UBE2F: variants seen among roughly 807,000 people sequenced by gnomAD.
The protein encoded by UBE2F is ubiquitin conjugating enzyme E2 F (putative).
UBE2F carries 5 observed loss-of-function variants against 29.6 expected under a neutral mutation model. That is an observed-to-expected ratio of 0.17 (90% CI 0.09 to 0.36). The LOEUF is 0.36. Ranked by LOEUF, UBE2F falls within the 10% of genes least tolerant of loss-of-function variation. The probability of loss-of-function intolerance (pLI) is 1.00; values close to 1 mark genes in which losing one functional copy is unlikely to be tolerated. For missense variants in UBE2F, 141 were observed against 228.5 expected, an observed-to-expected ratio of 0.62 and a Z score of 2.47; for synonymous variants, 66 against 81.8, an observed-to-expected ratio of 0.81 and a Z score of 1.04.
chr2:237,973,980 A>C (rs1023609396), intron 2 of UBE2F, among the ~76,000 whole-genome samples: 2 of 152,174 alleles, frequency 1.3e-5, no homozygotes, highest in Non-Finnish European at 2.9e-5. Flanking sequence ...ATTTATAATA[A>C]AGTTAACTTT....
Position 237,967,150 on chromosome 2 carries a change from G to T in UBE2F, c.-17+18G>T, listed in dbSNP as rs1485313875. ...GAGCCCAGGTGAGGAGCGACCGTGC[G>T]GCTCTGCGGCGGGGCGAGGTGCGGC... is the stretch of plus-strand genomic sequence containing the variant. On this transcript the variant is annotated intron_variant, in intron 1 of 9. Coordinates refer to ENST00000272930, the MANE Select transcript of UBE2F (RefSeq NM_080678.3). The surrounding 1 kb of genome is among the most constrained non-coding windows in gnomAD (Gnocchi z 6.3). 12 of 1,216,584 alleles carry T rather than the reference G, an allele frequency of 9.9e-6. No individual in the cohort carries two copies. In the East Asian group the frequency reaches 4.2e-4, roughly 43 times the overall value. 75.4% of individuals were successfully genotyped at this position (1,216,584 alleles called of 1,614,324 possible).
rs2064027234 is a variant in UBE2F at position 238,011,461 on chromosome 2, C to G, written c.215-5105C>G. ...TATATAATTTATGTATTTTCTCTCC[C>G]TTCCACTAGAATATACGCTTCATAA... is the stretch of plus-strand genomic sequence containing the variant. On this transcript the variant is annotated intron_variant, in intron 4 of 9. Transcript: ENST00000272930. Among the ~76,000 whole-genome samples, 3 of 152,320 alleles carry G rather than the reference C, an allele frequency of 2.0e-5. No homozygotes were observed. In the South Asian group the frequency reaches 6.2e-4, roughly 32 times the overall value.
At chr2:237,968,528 C>G (rs62194507) in intron 1 of UBE2F, among the ~76,000 whole-genome samples, 44,815 of 152,050 alleles carry the variant, frequency 0.29, 8,220 homozygotes, top group Admixed American at 0.41. Flanking sequence ...TGAGACGTCT[C>G]CATTCGGAAG....
chr2:237,999,847 C>T (rs977232292), intron 4 of UBE2F, among the ~76,000 whole-genome samples: 7 of 129,796 alleles, frequency 5.4e-5, no homozygotes, highest in East Asian at 2.2e-4. Flanking sequence ...TTTTTTGAGA[C>T]GGAGTCTCAC....
At chr2:238,004,504 C>T (rs957298584) in intron 4 of UBE2F, among the ~76,000 whole-genome samples, 6 of 151,812 alleles carry the variant, frequency 4.0e-5, no homozygotes, top group Non-Finnish European at 8.8e-5. Flanking sequence ...GTCTATGGCT[C>T]GTCTTTATTT....
intron 4 of UBE2F, among the ~76,000 whole-genome samples, chr2:238,006,753 T>C (rs1156491651): frequency 1.3e-5 from 1 of 76,220 alleles, no homozygotes; most frequent in East Asian, 5.0e-4. Context: ...TCCTTTTTTC[T>C]TTTTTCTTTT....
rs57180067 is a variant in UBE2F at position 237,991,609 on chromosome 2, C to CTTTCTTTTTTTTTTCTTT, written c.149-3132_149-3131insCTTTTTTTTTTCTTTTTT. 3.8e-5 allele frequency among the ~76,000 whole-genome samples: 2 copies of CTTTCTTTTTTTTTTCTTT among 53,052 alleles called. 1 individual carries two copies. The highest frequency in any genetic ancestry group is 1.4e-4 in the African/African-American group (2 of 14,370). The allele number at this position is 53,052 out of a possible 152,430, so 34.8% of individuals were successfully genotyped here. ...AACCTTTCTTTTCTTTTCTTTCTTT[C>CTTTCTTTTTTTTTTCTTT]TTTTTTTTTTTTTGAGACAGTCTTG... On this transcript the variant is annotated intron_variant, in intron 3 of 9. Transcript: ENST00000272930.
Position 238,040,281 on chromosome 2 carries a change from G to A in UBE2F, c.508-1007G>A, listed in dbSNP as rs113849519. 0.023 allele frequency among the ~76,000 whole-genome samples: 3,501 copies of A among 152,326 alleles called. 141 individuals carry two copies. Among genetic ancestry groups the A allele is most frequent in the African/African-American group, 0.08 (3,337 of 41,566 alleles). On this transcript the variant is annotated intron_variant, in intron 9 of 9. Coordinates refer to ENST00000272930, the MANE Select transcript of UBE2F (RefSeq NM_080678.3). This position sits in a 1 kb window ranked among gnomAD's most constrained non-coding sequence, Gnocchi z 4.4. ...GGATCTCCCTGCAAGAGGGCATCGC[G>A]GCAGCAGCGAGGTATACATCGAGTG...
chr2:237,979,934 C>T (rs1450641110), intron 2 of UBE2F, among the ~76,000 whole-genome samples: 1 of 152,186 alleles, frequency 6.6e-6, no homozygotes, highest in Non-Finnish European at 1.5e-5. Context: ...TGTGGGCCTG[C>T]ACTCTGTAGT....
intron 4 of UBE2F, among the ~76,000 whole-genome samples, chr2:238,007,346 T>C (rs1185869379): frequency 1.3e-5 from 2 of 151,954 alleles, no homozygotes; most frequent in South Asian, 4.1e-4. Context: ...GGTCTCGAAC[T>C]CCTGACCTCA....
intron 6 of UBE2F, among the ~76,000 whole-genome samples, chr2:238,029,318 G>A (rs1323672488): frequency 1.3e-5 from 2 of 152,008 alleles, no homozygotes; most frequent in African/African-American, 2.4e-5. Flanking sequence ...GCTGGGCGTG[G>A]TGGCTCACGC....
intron 4 of UBE2F, among the ~76,000 whole-genome samples, chr2:238,001,411 A>T (rs374332348): frequency 6.6e-6 from 1 of 151,738 alleles, no homozygotes; most frequent in Non-Finnish European, 1.5e-5. Flanking sequence ...GTTTTTTTTT[A>T]AAGGGTTTTT....
chr2:238,040,817 C>T lies in UBE2F; in HGVS notation c.508-471C>T, dbSNP rs1292162296. Among the ~76,000 whole-genome samples the T allele has an allele frequency of 6.6e-6, 1 of 151,990 alleles. No individual in the cohort carries two copies. The highest frequency in any genetic ancestry group is 1.5e-5 in the Non-Finnish European group (1 of 67,986). On this transcript the variant is annotated intron_variant, in intron 9 of 9. Coordinates refer to ENST00000272930, the MANE Select transcript of UBE2F (RefSeq NM_080678.3). The surrounding 1 kb of genome is among the most constrained non-coding windows in gnomAD (Gnocchi z 4.4). ...TCATCCTGCCCAGAAGAGATGGGGG[C>T]CTGTACATGGGCTGTGAAGAGCAGG... is the stretch of plus-strand genomic sequence containing the variant.
Position 238,040,226 on chromosome 2 carries a change from G to C in UBE2F, c.508-1062G>C, listed in dbSNP as rs116787239. On this transcript the variant is annotated intron_variant, in intron 9 of 9. Coordinates refer to ENST00000272930, the MANE Select transcript of UBE2F (RefSeq NM_080678.3). The surrounding 1 kb of genome is among the most constrained non-coding windows in gnomAD (Gnocchi z 4.4). ...TGTGGCAGGAGGGCAGGCACCTGGT[G>C]CCCAGCTGGCCAGGACCATGCTCCA... Among the ~76,000 whole-genome samples, 2,380 of 152,356 alleles carry C rather than the reference G, an allele frequency of 0.016. 30 individuals are homozygous for C. The highest frequency in any genetic ancestry group is 0.022 in the Non-Finnish European group (1,485 of 68,032).
At chr2:237,974,392 G>A (rs1334438427) in intron 2 of UBE2F, among the ~76,000 whole-genome samples, 2 of 151,528 alleles carry the variant, frequency 1.3e-5, no homozygotes, top group African/African-American at 2.4e-5. Context: ...GTTTCTCCAT[G>A]TTGATCAGGC....
intron 7 of UBE2F, 104 bp from the exon 8 acceptor site, chr2:238,032,118 A>G (rs1405189229): frequency 1.2e-6 from 1 of 834,954 alleles, no homozygotes; most frequent in Non-Finnish European, 2.0e-6. Flanking sequence ...ACCATGCTAA[A>G]GACAGGTTTT....
intron 2 of UBE2F, among the ~76,000 whole-genome samples, chr2:237,974,752 T>C (rs1460561376): frequency 3.9e-5 from 6 of 152,158 alleles, no homozygotes; most frequent in East Asian, 1.9e-4. Flanking sequence ...TGACCTCAGG[T>C]GATCCGCCCG....
In UBE2F at chr2:237,967,199, G is replaced by A. The variant is rs1415183355; in HGVS notation, c.-17+67G>A. The A allele has an allele frequency of 9.6e-7, 1 of 1,038,142 alleles. No homozygotes were observed. The allele number at this position is 1,038,142 out of a possible 1,614,324, so 64.3% of individuals were successfully genotyped here. The stretch of plus-strand genomic sequence containing the variant: ...GCCGCCGGTGCACGGGCTGGCCTGC[G>A]GGCCGGGCGGAGGGCGCGGGCGGTG... On this transcript the variant is annotated intron_variant, in intron 1 of 9. Transcript: ENST00000272930. The surrounding 1 kb of genome is among the most constrained non-coding windows in gnomAD (Gnocchi z 6.3).
At chr2:237,987,917 G>A (rs2063513883) in intron 2 of UBE2F, 46 bp from the exon 3 acceptor site, 2 of 1,037,740 alleles carry the variant, frequency 1.9e-6, no homozygotes, top group Non-Finnish European at 2.8e-6. Context: ...GTGATTTTAT[G>A]TGGAGTAATT....
Sources: allele counts gnomAD v4.1 joint callset (sites outside exome capture counted in the v4.1 genomes callset), GRCh38; gene constraint gnomAD v4.1.1; non-coding constraint Gnocchi (gnomAD v3.1); transcripts MANE v1.5; gene names NCBI Gene and HGNC (gene_info 2026-07-23, HGNC 2026-07-21).